SEC24A: variants seen among roughly 807,000 people sequenced by gnomAD.
SEC24A encodes the protein protein transport protein Sec24A.
SEC24A carries 93 observed loss-of-function variants against 129.4 expected under a neutral mutation model. That is an observed-to-expected ratio of 0.72 (90% CI 0.61 to 0.85). The LOEUF is 0.85. Ranked by LOEUF, SEC24A falls within the 40% of genes least tolerant of loss-of-function variation. The pLI is 0.00. For synonymous variants in SEC24A, 460 were observed against 467.3 expected, an observed-to-expected ratio of 0.98 and a Z score of 0.20; for missense variants, 1,264 against 1,307.4, an observed-to-expected ratio of 0.97 and a Z score of 0.51.
intron 15 of SEC24A, among the ~76,000 whole-genome samples, chr5:134,698,598 C>CAA (rs536006364): frequency 1.7e-4 from 12 of 69,744 alleles, no homozygotes; most frequent in Non-Finnish European, 2.6e-4. Context: ...ACACTGTCTC[C>CAA]AAAAAAAAAA....
chr5:134,690,025 AT>A (rs538856302), intron 11 of SEC24A, among the ~76,000 whole-genome samples: 6 of 149,530 alleles, frequency 4.0e-5, no homozygotes, highest in Admixed American at 6.7e-5. Flanking sequence ...TAATTATTAC[AT>A]TTTTTTTTTG....
At chr5:134,696,007 C>G (rs899255622) in intron 13 of SEC24A, among the ~76,000 whole-genome samples, 1 of 151,384 alleles carries the variant, frequency 6.6e-6, no homozygotes, top group South Asian at 2.1e-4. Context: ...TGGCTCACAC[C>G]TGTAATCCCA....
intron 3 of SEC24A, among the ~76,000 whole-genome samples, chr5:134,667,939 C>A (rs1290039818): frequency 6.6e-6 from 1 of 152,118 alleles, no homozygotes; most frequent in Non-Finnish European, 1.5e-5. Context: ...TTAGGCTGGG[C>A]ACAGTGTCTT....
chr5:134,690,413 A>C (rs1333945229), intron 11 of SEC24A, among the ~76,000 whole-genome samples: 6 of 152,160 alleles, frequency 3.9e-5, no homozygotes, highest in Non-Finnish European at 8.8e-5. Context: ...CCCTGGGCTC[A>C]AGCGATCCTT....
chr5:134,676,509 T>A (rs1449337962), intron 7 of SEC24A, among the ~76,000 whole-genome samples: 4 of 145,942 alleles, frequency 2.7e-5, no homozygotes, highest in African/African-American at 1.0e-4. Context: ...AGTGGCGAGA[T>A]CTCGGCTCAC....
chr5:134,706,095 C>A, intron 17 of SEC24A, among the ~76,000 whole-genome samples: 1 of 152,134 alleles, frequency 6.6e-6, no homozygotes, highest in East Asian at 1.9e-4. Flanking sequence ...TTCATGTGGT[C>A]GGGCTGGTCT....
chr5:134,675,157 C>A lies in SEC24A; in HGVS notation c.1091C>A (p.Pro364His), dbSNP rs1440970871. The A allele has an allele frequency of 7.4e-6, 12 of 1,613,678 alleles. No individual in the cohort carries two copies. The Admixed American group carries it at 2.0e-4, about 27-fold the overall frequency. Residue 364 changes from proline (P) to histidine (H), a missense_variant, in exon 6 of 23, where the codon CCT becomes CAT. By Grantham distance (77) the Pro-to-His change is moderately conservative (BLOSUM62 -2). Transcript: ENST00000398844. ...GAAAGAAACATGCTTCCGTCAACAC[C>A]TTTGAAGCCTCCAGTTCCAAATTTG... ...LQERNMLPST[P>H]LKPPVPNLHE...
intron 8 of SEC24A, 113 bp from the exon 9 acceptor site, chr5:134,682,260 T>G (rs970280071): frequency 9.3e-6 from 5 of 536,922 alleles, no homozygotes; most frequent in Non-Finnish European, 1.6e-5. Flanking sequence ...AAAAAGAAAA[T>G]AATTGACATT....
intron 1 of SEC24A, 54 bp downstream of exon 1, chr5:134,649,227 C>A: frequency 7.8e-7 from 1 of 1,282,848 alleles, no homozygotes; most frequent in Non-Finnish European, 1.1e-6. Flanking sequence ...CTGACCTTTG[C>A]GTGCCACTGC....
intron 15 of SEC24A, among the ~76,000 whole-genome samples, chr5:134,703,506 G>A (rs545735676): frequency 2.0e-5 from 3 of 152,224 alleles, no homozygotes; most frequent in East Asian, 3.9e-4. Flanking sequence ...GACCTCAGGC[G>A]ATCCACCCAC....
intron 11 of SEC24A, among the ~76,000 whole-genome samples, chr5:134,689,230 T>C (rs1181148076): frequency 6.6e-6 from 1 of 152,212 alleles, no homozygotes; most frequent in African/African-American, 2.4e-5. Context: ...CTGGTCAGAA[T>C]GTAAAATGGC....
intron 1 of SEC24A, among the ~76,000 whole-genome samples, chr5:134,660,873 T>C (rs749873020): frequency 6.6e-6 from 1 of 152,162 alleles, no homozygotes; most frequent in Non-Finnish European, 1.5e-5. Context: ...TGGTTTTGAT[T>C]TACATTTCTG....
At chr5:134,655,150 T>C (rs1750197081) in intron 1 of SEC24A, among the ~76,000 whole-genome samples, 1 of 152,156 alleles carries the variant, frequency 6.6e-6, no homozygotes, top group African/African-American at 2.4e-5. Flanking sequence ...TGAGATTTTT[T>C]ACTAATGCAG....
At chr5:134,715,238 G>A in intron 19 of SEC24A, 77 bp downstream of exon 19, 3 of 1,238,130 alleles carry the variant, frequency 2.4e-6, no homozygotes, top group Non-Finnish European at 3.4e-6. Flanking sequence ...AAATGAGGAA[G>A]GGTTTGTTTA....
chr5:134,665,765 C>T (rs944584888), intron 2 of SEC24A, among the ~76,000 whole-genome samples: 7 of 152,042 alleles, frequency 4.6e-5, no homozygotes, highest in African/African-American at 1.4e-4. Context: ...ACCATGTTGG[C>T]AGGCTTGTCT....
At chr5:134,671,774 C>A in intron 3 of SEC24A, 35 bp from the exon 4 acceptor site, 1 of 1,237,250 alleles carries the variant, frequency 8.1e-7, no homozygotes. Context: ...AATAATCATT[C>A]TAATTAAAAT....
intron 1 of SEC24A, among the ~76,000 whole-genome samples, chr5:134,652,364 C>T (rs1750086220): frequency 6.6e-6 from 1 of 152,022 alleles, no homozygotes; most frequent in Admixed American, 6.6e-5. Flanking sequence ...TCTTGGCTCA[C>T]TGCAACCTCC....
intron 18 of SEC24A, among the ~76,000 whole-genome samples, chr5:134,709,166 G>C (rs1463034664): frequency 6.6e-6 from 1 of 152,060 alleles, no homozygotes; most frequent in Non-Finnish European, 1.5e-5. Flanking sequence ...AGCCCATATC[G>C]TGCCACTGTA....
chr5:134,674,519 AG>A (rs757541645), intron 4 of SEC24A, 95 bp from the exon 5 acceptor site: 53 of 1,126,878 alleles, frequency 4.7e-5, no homozygotes, highest in Non-Finnish European at 6.5e-5. Flanking sequence ...CCTGGGCAAT[AG>A]TGAGACCCTT....
Sources: gnomAD v4.1 joint callset for allele counts (sites outside exome capture counted in the v4.1 genomes callset) on GRCh38, gnomAD v4.1.1 for gene constraint, MANE v1.5 for transcripts, NCBI Gene and HGNC (gene_info 2026-07-23, HGNC 2026-07-21) for gene names.